The following CCDC66 variants were observed in gnomAD, a reference collection of about 807,000 sequenced individuals.
CCDC66 encodes the protein coiled-coil domain containing 66, also known as coiled-coil domain-containing protein 66.
Under a neutral mutation model 128.3 loss-of-function variants are expected in CCDC66, and 133 were observed. The ratio of observed to expected loss-of-function variants is 1.04; its 90% CI spans 0.90 to 1.20. The LOEUF is 1.20. Ranked by LOEUF, CCDC66 falls within the 50% of genes most tolerant of loss-of-function variation. The pLI is 0.00. For synonymous variants in CCDC66, 387 were observed against 357.0 expected, an observed-to-expected ratio of 1.08 and a Z score of -0.95; for missense variants, 1,126 against 1,075.5, an observed-to-expected ratio of 1.05 and a Z score of -0.66.
At chr3:56,561,009 A>G (rs1559591143) in intron 3 of CCDC66, 1 of 447,440 alleles carries the variant, frequency 2.2e-6, no homozygotes, top group Non-Finnish European at 4.5e-6. Flanking sequence ...CACTCAATAA[A>G]TAGGTGAAGA....
chr3:56,576,532 A>G (rs982182954), intron 7 of CCDC66, among the ~76,000 whole-genome samples: 3 of 148,002 alleles, frequency 2.0e-5, no homozygotes, highest in African/African-American at 7.4e-5. Flanking sequence ...CATTAGATAT[A>G]CCTCCTAATG....
chr3:56,593,355 C>T, intron 8 of CCDC66, 136 bp from the exon 9 acceptor site: 3 of 963,474 alleles, frequency 3.1e-6, no homozygotes, highest in Non-Finnish European at 4.6e-6. Flanking sequence ...GGACTCTAAA[C>T]AGTACAGTCT....
chr3:56,576,723 A>G (rs2067440588), intron 7 of CCDC66, among the ~76,000 whole-genome samples: 1 of 151,598 alleles, frequency 6.6e-6, no homozygotes, highest in African/African-American at 2.4e-5. Context: ...ATGTCCCTAC[A>G]AAGGACATGA....
chr3:56,568,346 C>G (rs575552733), intron 6 of CCDC66, among the ~76,000 whole-genome samples: 1 of 152,206 alleles, frequency 6.6e-6, no homozygotes, highest in Admixed American at 6.5e-5. Flanking sequence ...CTTCCCACTT[C>G]AGGGTGCCAA....
intron 6 of CCDC66, chr3:56,570,553 C>G (rs1309635053): frequency 6.4e-6 from 1 of 156,162 alleles, no homozygotes; most frequent in African/African-American, 2.4e-5. Context: ...AAATAGAGAC[C>G]ATCCTAGCCA....
At position 56,616,055 on chromosome 3, in the gene CCDC66, T is replaced by C. The variant is rs760469539; in HGVS notation, c.1843+2T>C. The C allele has an allele frequency of 6.3e-7, 1 of 1,580,070 alleles. No individual in the cohort carries two copies. The highest frequency in any genetic ancestry group is 8.6e-7 in the Non-Finnish European group (1 of 1,166,808). On this transcript the variant is annotated splice_donor_variant, in intron 13 of 17. Coordinates refer to ENST00000394672, the MANE Select transcript of CCDC66 (RefSeq NM_001141947.3). LOFTEE classifies it high-confidence loss of function. ...AGAAGGATACTGGTGTGCAAACAGG[T>C]ATTTGTGTGGAAATTGTGGTTTGGT...
intron 7 of CCDC66, among the ~76,000 whole-genome samples, chr3:56,578,976 G>A (rs1309208647): frequency 6.6e-6 from 1 of 151,852 alleles, no homozygotes; most frequent in African/African-American, 2.4e-5. Flanking sequence ...AATAGTTTCA[G>A]AAGGAATGGT....
chr3:56,557,249 TTGGGGTAAGC>T lies in CCDC66; in HGVS notation c.8_11+6del, dbSNP rs1559579659. ...GAGAGTGCGAGGTCAGGCCATGAAC[TTGGGGTAAGC>T]AGGGGTAAGCTGGGGTAAGCTGGGG... On this transcript the variant is annotated splice_donor_variant and splice_donor_5th_base_variant and coding_sequence_variant and intron_variant, in exon 1 of 18. Transcript: ENST00000394672. LOFTEE classifies it high-confidence loss of function. The T allele has an allele frequency of 6.6e-6, 5 of 756,310 alleles. No individual in the cohort carries two copies. Among genetic ancestry groups the T allele is most frequent in the Non-Finnish European group, 8.0e-6 (4 of 498,530 alleles). 46.8% of individuals were successfully genotyped at this position (756,310 alleles called of 1,614,324 possible).
chr3:56,557,260 A>AGGGGTAAGCTGGGGTAAGCT lies in CCDC66; in HGVS notation c.11+17_11+36dup. 1.3e-6 allele frequency: 2 copies of AGGGGTAAGCTGGGGTAAGCT among 1,549,348 alleles called. No homozygotes were observed. Among genetic ancestry groups the AGGGGTAAGCTGGGGTAAGCT allele is most frequent in the African/African-American group, 1.4e-5 (1 of 72,960 alleles). ...GTCAGGCCATGAACTTGGGGTAAGCAGGGGTAAGCTGGGGTAAGCTGGGGT... is the reference window on the plus strand; with the variant it reads ...GTCAGGCCATGAACTTGGGGTAAGCAGGGGTAAGCTGGGGTAAGCTGGGGTAAGCTGGGGTAAGCTGGGGT... On this transcript the variant is annotated splice_region_variant and intron_variant, in intron 1 of 17. Transcript: ENST00000394672.
intron 5 of CCDC66, 48 bp downstream of exon 5, chr3:56,566,807 G>C (rs377017065): frequency 1.3e-5 from 21 of 1,565,288 alleles, no homozygotes; most frequent in Non-Finnish European, 1.7e-5. Context: ...TTCAGAATAT[G>C]GTTTTGCTTT....
intron 12 of CCDC66, among the ~76,000 whole-genome samples, chr3:56,615,700 A>G (rs2075405938): frequency 6.6e-6 from 1 of 152,250 alleles, no homozygotes; most frequent in Non-Finnish European, 1.5e-5. Flanking sequence ...TTAAAATAAT[A>G]GGTAAAATGT....
intron 10 of CCDC66, among the ~76,000 whole-genome samples, chr3:56,607,032 T>A (rs1236762017): frequency 6.6e-6 from 1 of 152,190 alleles, no homozygotes; most frequent in Non-Finnish European, 1.5e-5. Context: ...CCATGCTGTT[T>A]TGGTGACTGC....
At position 56,619,787 on chromosome 3, in the gene CCDC66, A is replaced by G. The variant is rs770150636; in HGVS notation, c.2646A>G (p.Gln882=). The change falls in exon 17 of 18, where the codon CAA becomes CAG. Residue 882 remains glutamine (Q), a synonymous_variant. Coordinates refer to ENST00000394672, the MANE Select transcript of CCDC66 (RefSeq NM_001141947.3). ...PQYQNSQDCG[Q]KRQLFDSDCV... ...TTCATCTGGCTTTAGACTGTGGCCA[A>G]AAACGACAGCTATTTGATTCTGACT... The G allele has an allele frequency of 6.2e-6, 10 of 1,613,810 alleles. No homozygotes were observed. The highest frequency in any genetic ancestry group is 3.3e-5 in the South Asian group (3 of 91,020).
Position 56,617,101 on chromosome 3 carries a change from C to T in CCDC66, c.1844-11C>T, listed in dbSNP as rs1362742603. The T allele has an allele frequency of 1.3e-6, 2 of 1,494,362 alleles. No homozygotes were observed. Among genetic ancestry groups the T allele is most frequent in the African/African-American group, 2.9e-5 (2 of 70,024 alleles). The allele number at this position is 1,494,362 out of a possible 1,614,324, so 92.6% of individuals were successfully genotyped here. ...TACAATTTTTAAAAATCATTTGCAACTTTTTTTTAGATGACTTAAATATAG... is the reference window on the plus strand; with the variant it reads ...TACAATTTTTAAAAATCATTTGCAATTTTTTTTTAGATGACTTAAATATAG... On this transcript the variant is annotated splice_polypyrimidine_tract_variant and intron_variant, in intron 13 of 17. Transcript: ENST00000394672.
At chr3:56,599,113 C>G (rs1416552149) in intron 10 of CCDC66, among the ~76,000 whole-genome samples, 3 of 151,960 alleles carry the variant, frequency 2.0e-5, no homozygotes, top group Non-Finnish European at 4.4e-5. Context: ...CTGGTCTGTT[C>G]AGGTTTTCTA....
intron 17 of CCDC66, 68 bp from the exon 18 acceptor site, chr3:56,621,464 A>T: frequency 1.9e-6 from 2 of 1,032,310 alleles, no homozygotes; most frequent in Non-Finnish European, 1.4e-6. Context: ...ATATAATTCT[A>T]GTTTAACACA....
intron 10 of CCDC66, among the ~76,000 whole-genome samples, chr3:56,605,080 A>G (rs1340168912): frequency 2.6e-5 from 4 of 151,990 alleles, no homozygotes; most frequent in Non-Finnish European, 4.4e-5. Flanking sequence ...ATACTTGTGT[A>G]TGCTTCACAA....
intron 3 of CCDC66, chr3:56,561,267 T>G (rs1167459399): frequency 2.2e-6 from 1 of 456,704 alleles, no homozygotes; most frequent in South Asian, 1.5e-5. Context: ...GCTGATTTGT[T>G]ATAGAAGCCA....
At position 56,563,875 on chromosome 3, in the gene CCDC66, A is replaced by G. The variant is rs771950402; in HGVS notation, c.294A>G (p.Gln98=). 4 of 1,605,524 alleles carry G rather than the reference A, an allele frequency of 2.5e-6. No homozygotes were observed. Among genetic ancestry groups the G allele is most frequent in the Non-Finnish European group, 3.4e-6 (4 of 1,174,900 alleles). ...CATCCACTAAGGATTTATGTAAACA[A>G]TGTATAGATAAAGACTGTCTTCATA... ...TFSSTKDLCK[Q]CIDKDCLHIQ... is the part of the protein sequence containing the mutation. The change falls in exon 4 of 18, where the codon CAA becomes CAG. Residue 98 remains glutamine (Q), a synonymous_variant. Transcript: ENST00000394672.
Sources: allele counts gnomAD v4.1 joint callset (sites outside exome capture counted in the v4.1 genomes callset), GRCh38; gene constraint gnomAD v4.1.1; transcripts MANE v1.5; gene names NCBI Gene and HGNC (gene_info 2026-07-23, HGNC 2026-07-21).